Variants in ADAMTS16 observed in about 807,000 individuals in gnomAD.
ADAMTS16 encodes the protein A disintegrin and metalloproteinase with thrombospondin motifs 16.
A neutral mutation model predicts 145.8 loss-of-function variants in ADAMTS16; 94 were observed. The ratio of observed to expected loss-of-function variants is 0.64; its 90% CI spans 0.55 to 0.77. The LOEUF (loss-of-function observed/expected upper bound fraction) is 0.77, where lower values mean the gene tolerates loss of function less well. Ranked by LOEUF, ADAMTS16 falls within the 30% of genes least tolerant of loss-of-function variation. ADAMTS16 has a pLI of 0.00. For missense variants in ADAMTS16, 1,585 were observed against 1,591.5 expected (o/e 1.00, Z 0.07); for synonymous variants, 659 against 604.3 (o/e 1.09, Z -1.33).
intron 22 of ADAMTS16, 107 bp from the exon 23 acceptor site, chr5:5,318,916 C>T (rs752672159): frequency 2.9e-5 from 23 of 792,772 alleles, no homozygotes; most frequent in Middle Eastern, 2.8e-4. Context: ...CTGCAGCAGC[C>T]GCAGAGCGTG....
At chr5:5,164,313 G>A (rs952940392) in intron 3 of ADAMTS16, among the ~76,000 whole-genome samples, 21 of 152,196 alleles carry the variant, frequency 1.4e-4, no homozygotes, top group African/African-American at 2.9e-4. Context: ...TTAGAGTGAC[G>A]TTGCTGAAAG....
At chr5:5,172,448 T>G (rs1735067113) in intron 3 of ADAMTS16, among the ~76,000 whole-genome samples, 1 of 152,054 alleles carries the variant, frequency 6.6e-6, no homozygotes, top group African/African-American at 2.4e-5. Context: ...TGTATTTTTA[T>G]TATCATTTTT....
chr5:5,177,260 G>A (rs1735222813), intron 3 of ADAMTS16, among the ~76,000 whole-genome samples: 3 of 152,194 alleles, frequency 2.0e-5, no homozygotes, highest in Non-Finnish European at 4.4e-5. Flanking sequence ...CAGTGTCAAA[G>A]CCTTAGTAGT....
intron 3 of ADAMTS16, among the ~76,000 whole-genome samples, chr5:5,161,339 A>C (rs1401336390): frequency 2.0e-5 from 3 of 152,198 alleles, no homozygotes; most frequent in Non-Finnish European, 2.9e-5. Flanking sequence ...CTTGATTTCA[A>C]AGTCAACAAC....
intron 17 of ADAMTS16, among the ~76,000 whole-genome samples, chr5:5,252,980 A>C (rs1737674284): frequency 1.3e-5 from 2 of 151,970 alleles, no homozygotes; most frequent in South Asian, 4.2e-4. Context: ...CCTCTTTTTC[A>C]TTCCATGTCA....
At chr5:5,140,840 G>T in intron 2 of ADAMTS16, 74 bp downstream of exon 2, 2 of 1,414,436 alleles carry the variant, frequency 1.4e-6, no homozygotes, top group South Asian at 1.3e-5. Context: ...TGGTTTATTA[G>T]GTGCTGTGAA....
At chr5:5,156,890 G>T (rs1195906933) in intron 3 of ADAMTS16, among the ~76,000 whole-genome samples, 2 of 152,136 alleles carry the variant, frequency 1.3e-5, no homozygotes, top group Non-Finnish European at 2.9e-5. Context: ...CGTGATTGTG[G>T]ACAACAGCTG....
intron 18 of ADAMTS16, among the ~76,000 whole-genome samples, chr5:5,300,520 T>C (rs1342633302): frequency 6.6e-6 from 1 of 152,250 alleles, no homozygotes; most frequent in Non-Finnish European, 1.5e-5. Context: ...AGTCTTTGTA[T>C]AATTTTCTTA....
chr5:5,152,756 G>T (rs1410428764), intron 3 of ADAMTS16, among the ~76,000 whole-genome samples: 1 of 152,172 alleles, frequency 6.6e-6, no homozygotes, highest in African/African-American at 2.4e-5. Context: ...TTCAGTAATT[G>T]TTTCTCCATA....
intron 17 of ADAMTS16, among the ~76,000 whole-genome samples, chr5:5,261,642 C>T (rs527312923): frequency 1.6e-4 from 25 of 152,238 alleles, no homozygotes; most frequent in Middle Eastern, 6.8e-3. Context: ...CGTGCCACCA[C>T]GCCCAGCTAA....
rs569069450 is a variant in ADAMTS16, at chr5:5,308,090, A to G, written c.3411+1362A>G. 4.6e-5 allele frequency among the ~76,000 whole-genome samples: 7 copies of G among 152,306 alleles called. No homozygotes were observed. In the South Asian group the frequency reaches 1.5e-3, roughly 32 times the overall value. ...CTCCGGCCAGGGTTGCATGACCATA[A>G]CAGGTGGCACACCCAAGGTGAAGTC... is the stretch of plus-strand genomic sequence containing the variant. On this transcript the variant is annotated intron_variant, in intron 21 of 22. Transcript: ENST00000274181.
chr5:5,191,533 T>A, intron 7 of ADAMTS16, 152 bp from the exon 8 acceptor site: 1 of 589,138 alleles, frequency 1.7e-6, no homozygotes, highest in Admixed American at 3.2e-5. Flanking sequence ...CCTTATCAAG[T>A]CCCCTTTATA....
intron 3 of ADAMTS16, among the ~76,000 whole-genome samples, chr5:5,180,543 C>T (rs1396385427): frequency 6.6e-6 from 1 of 152,176 alleles, no homozygotes; most frequent in Non-Finnish European, 1.5e-5. Flanking sequence ...CCTGAAGAGG[C>T]TTTTCCCCCT....
chr5:5,209,267 G>A (rs767206533), intron 10 of ADAMTS16, 21 bp downstream of exon 10: 2 of 1,612,100 alleles, frequency 1.2e-6, no homozygotes, highest in South Asian at 2.2e-5. Context: ...ATTGGCACAT[G>A]CTCAATGCAA....
rs183930419 is a variant in ADAMTS16 at position 5,162,847 on chromosome 5, C to A, written c.501+16392C>A. Among the ~76,000 whole-genome samples the A allele has an allele frequency of 2.4e-3, 361 of 152,206 alleles. 1 individual carries two copies. The highest frequency in any genetic ancestry group is 0.017 in the Middle Eastern group (5 of 294). The stretch of plus-strand genomic sequence containing the variant: ...ACATACATTTAAAGCATTTTTAGAT[C>A]AAAAACTAATTGAAAGAAGCCTACA... On this transcript the variant is annotated intron_variant, in intron 3 of 22. Transcript: ENST00000274181.
intron 18 of ADAMTS16, among the ~76,000 whole-genome samples, chr5:5,268,869 A>G (rs1000545892): frequency 6.6e-6 from 1 of 152,084 alleles, no homozygotes; most frequent in African/African-American, 2.4e-5. Flanking sequence ...AGGGGAGTAG[A>G]GGGCCAAGAC....
chr5:5,218,988 C>G (rs1271844987), intron 10 of ADAMTS16, among the ~76,000 whole-genome samples: 2 of 152,142 alleles, frequency 1.3e-5, no homozygotes, highest in Admixed American at 6.5e-5. Flanking sequence ...TCCACGGGCA[C>G]AGGATCGGGG....
At chr5:5,187,370 C>A (rs1016169599) in intron 5 of ADAMTS16, among the ~76,000 whole-genome samples, 8 of 152,052 alleles carry the variant, frequency 5.3e-5, no homozygotes, top group African/African-American at 1.5e-4. Flanking sequence ...CCCATAAGTG[C>A]GAGAGTTTCT....
intron 14 of ADAMTS16, among the ~76,000 whole-genome samples, chr5:5,237,907 G>A (rs1009206112): frequency 6.6e-6 from 1 of 152,164 alleles, no homozygotes; most frequent in African/African-American, 2.4e-5. Context: ...CCAAGTGAAG[G>A]TGTTAGCAGA....
Sources: gnomAD v4.1 joint callset for allele counts (sites outside exome capture counted in the v4.1 genomes callset) on GRCh38, gnomAD v4.1.1 for gene constraint, MANE v1.5 for transcripts, NCBI Gene and HGNC (gene_info 2026-07-23, HGNC 2026-07-21) for gene names.